The following SNTG2 variants were observed in gnomAD, a reference collection of about 807,000 sequenced individuals.
SNTG2 encodes syntrophin gamma 2, also known as gamma-2-syntrophin.
In SNTG2, 74 loss-of-function variants were observed where a neutral mutation model predicts 70.9. That is an observed-to-expected ratio of 1.04 (90% CI 0.86 to 1.27). The LOEUF (loss-of-function observed/expected upper bound fraction) is 1.27. SNTG2 is among the 50% of genes most tolerant of loss of function. The pLI is 0.00. For synonymous variants in SNTG2, 278 were observed against 273.8 expected (o/e 1.02, Z -0.15); for missense variants, 717 against 690.7 (o/e 1.04, Z -0.43).
intron 1 of SNTG2, among the ~76,000 whole-genome samples, chr2:1,020,077 T>C (rs1301311792): frequency 6.6e-6 from 1 of 152,156 alleles, no homozygotes; most frequent in East Asian, 1.9e-4. Context: ...AGAAACACTA[T>C]GGGCCACTGA....
intron 16 of SNTG2, among the ~76,000 whole-genome samples, chr2:1,334,239 C>T (rs1237876826): frequency 2.0e-5 from 3 of 151,992 alleles, no homozygotes; most frequent in African/African-American, 4.8e-5. Context: ...AAAACCACAA[C>T]ATATAAGCTA....
At chr2:1,019,029 A>G (rs1660006793) in intron 1 of SNTG2, among the ~76,000 whole-genome samples, 1 of 152,216 alleles carries the variant, frequency 6.6e-6, no homozygotes, top group Non-Finnish European at 1.5e-5. Flanking sequence ...ACAGCGCTGC[A>G]TGTTTTACTA....
intron 1 of SNTG2, among the ~76,000 whole-genome samples, chr2:1,068,647 A>G (rs985822118): frequency 1.3e-5 from 2 of 152,244 alleles, no homozygotes; most frequent in Non-Finnish European, 2.9e-5. Context: ...CTTCAATATT[A>G]ATAACAAAAG....
chr2:1,138,778 C>A (rs1668563647), intron 6 of SNTG2, among the ~76,000 whole-genome samples: 2 of 152,144 alleles, frequency 1.3e-5, no homozygotes, highest in South Asian at 4.2e-4. Context: ...AATAGGCATG[C>A]ACTCATTTCT....
intron 1 of SNTG2, among the ~76,000 whole-genome samples, chr2:1,015,052 G>T (rs1319501179): frequency 6.6e-6 from 1 of 152,156 alleles, no homozygotes. Context: ...GAAAACCCTT[G>T]GGTGGTGGAC....
At position 950,976 on chromosome 2, in the gene SNTG2, G is replaced by C. The variant is rs1412583292; in HGVS notation, c.-21G>C. The C allele has an allele frequency of 4.9e-6, 6 of 1,221,730 alleles. No homozygotes were observed. In the South Asian group the frequency reaches 2.2e-4, roughly 46 times the overall value. The allele number at this position is 1,221,730 out of a possible 1,614,324, so 75.7% of individuals were successfully genotyped here. ...TTGAGCTCGGCCGGCCCGGAGCGCG[G>C]ACCCAGCCGCAGGGGCGGCGATGGG... On this transcript the variant is annotated 5_prime_UTR_variant, in exon 1 of 17. Transcript: ENST00000308624.
Position 1,165,964 on chromosome 2 carries a change from A to G in SNTG2, c.499+329A>G, listed in dbSNP as rs546736517. Among the ~76,000 whole-genome samples the G allele has an allele frequency of 2.1e-4, 32 of 152,320 alleles. 2 individuals are homozygous for G. The South Asian group carries it at 6.6e-3, about 32-fold the overall frequency. ...TAACGTAGAAGCAAAGTTTACACGT[A>G]AAATACCTATGTTGATCTGAGAAAT... On this transcript the variant is annotated intron_variant, in intron 7 of 16. Coordinates refer to ENST00000308624, the MANE Select transcript of SNTG2 (RefSeq NM_018968.4).
chr2:1,239,456 A>G (rs1437107443), intron 10 of SNTG2, among the ~76,000 whole-genome samples: 1 of 152,190 alleles, frequency 6.6e-6, no homozygotes, highest in East Asian at 1.9e-4. Flanking sequence ...TCATTTCCTC[A>G]CTTTTCTCAG....
intron 16 of SNTG2, among the ~76,000 whole-genome samples, chr2:1,323,568 A>T (rs538380604): frequency 6.8e-6 from 1 of 146,258 alleles, no homozygotes; most frequent in Non-Finnish European, 1.5e-5. Context: ...GTAGACTGGG[A>T]CAAGACTAAC....
chr2:1,294,432 G>A (rs932676952), intron 14 of SNTG2, among the ~76,000 whole-genome samples: 4 of 152,220 alleles, frequency 2.6e-5, no homozygotes, highest in African/African-American at 9.6e-5. Flanking sequence ...GAATTTATAA[G>A]AGAAACTTAG....
At chr2:1,289,607 T>C (rs562934545) in intron 14 of SNTG2, among the ~76,000 whole-genome samples, 3 of 152,236 alleles carry the variant, frequency 2.0e-5, no homozygotes, top group Admixed American at 6.5e-5. Flanking sequence ...CCTGTAGCCA[T>C]GTTTGGAGTA....
chr2:1,355,710 G>A (rs1397023624), intron 16 of SNTG2, among the ~76,000 whole-genome samples: 1 of 152,112 alleles, frequency 6.6e-6, no homozygotes, highest in Admixed American at 6.5e-5. Flanking sequence ...CCTAGAGAAG[G>A]GATTGCTAAG....
intron 1 of SNTG2, among the ~76,000 whole-genome samples, chr2:1,012,961 G>GTA (rs1659780530): frequency 2.3e-5 from 1 of 44,302 alleles, no homozygotes; most frequent in Admixed American, 2.3e-4. Context: ...ATTTATAAGG[G>GTA]CAGAGAGAAG....
At chr2:1,092,209 T>C (rs1665074309) in intron 2 of SNTG2, among the ~76,000 whole-genome samples, 1 of 152,014 alleles carries the variant, frequency 6.6e-6, no homozygotes, top group Admixed American at 6.6e-5. Flanking sequence ...TTTCTATAAA[T>C]TTCTAATTTT....
chr2:1,193,659 G>T (rs1672733764), intron 8 of SNTG2, among the ~76,000 whole-genome samples: 1 of 152,070 alleles, frequency 6.6e-6, no homozygotes, highest in Non-Finnish European at 1.5e-5. Flanking sequence ...TTTCTTTTCA[G>T]CCATAAAGAA....
intron 14 of SNTG2, among the ~76,000 whole-genome samples, chr2:1,298,589 G>A (rs1680319519): frequency 6.6e-6 from 1 of 152,130 alleles, no homozygotes; most frequent in Admixed American, 6.6e-5. Context: ...CACCAGGTCT[G>A]CTTTCCACAC....
intron 15 of SNTG2, among the ~76,000 whole-genome samples, chr2:1,309,000 G>T (rs1245075213): frequency 1.3e-5 from 2 of 152,198 alleles, no homozygotes; most frequent in Non-Finnish European, 2.9e-5. Flanking sequence ...CCATTAGGAA[G>T]GGAGTGAGAC....
chr2:1,299,900 G>A (rs2148234205), intron 14 of SNTG2, among the ~76,000 whole-genome samples: 1 of 152,332 alleles, frequency 6.6e-6, no homozygotes, highest in East Asian at 1.9e-4. Flanking sequence ...TTCCAGGCAT[G>A]CAAGAAGGGT....
At chr2:1,183,391 TGATAC>T (rs1672045462) in intron 8 of SNTG2, among the ~76,000 whole-genome samples, 1 of 152,180 alleles carries the variant, frequency 6.6e-6, no homozygotes, top group Non-Finnish European at 1.5e-5. Flanking sequence ...CAGGGTGATA[TGATAC>T]GTGTATGTCC....
Sources: allele counts gnomAD v4.1 joint callset (sites outside exome capture counted in the v4.1 genomes callset), GRCh38; gene constraint gnomAD v4.1.1; transcripts MANE v1.5; gene names NCBI Gene and HGNC (gene_info 2026-07-23, HGNC 2026-07-21).